IL36B: variants seen among roughly 807,000 people sequenced by gnomAD.
IL36B encodes the protein interleukin-36 beta.
A neutral mutation model predicts 19.3 loss-of-function variants in IL36B; 23 were observed. The ratio of observed to expected loss-of-function variants is 1.19; its 90% confidence interval spans 0.86 to 1.69. IL36B has a LOEUF of 1.69. IL36B is among the 40% of genes most tolerant of loss of function. IL36B has a pLI of 0.00. For synonymous variants in IL36B, 59 were observed against 59.7 expected (o/e 0.99, Z 0.05); for missense variants, 217 against 200.5 (o/e 1.08, Z -0.50).
intron 1 of IL36B, among the ~76,000 whole-genome samples, chr2:113,044,370 G>A (rs1000264006): frequency 2.0e-5 from 3 of 151,150 alleles, no homozygotes; most frequent in African/African-American, 4.9e-5. Flanking sequence ...TTAGTTCACT[G>A]TAGCTGTGAA....
intron 1 of IL36B, among the ~76,000 whole-genome samples, chr2:113,048,935 A>G (rs1225934822): frequency 1.3e-5 from 2 of 152,214 alleles, no homozygotes; most frequent in Non-Finnish European, 2.9e-5. Flanking sequence ...TATGAAAGCA[A>G]TTGAATTTAT....
At chr2:113,048,544 C>T (rs6756735) in intron 1 of IL36B, among the ~76,000 whole-genome samples, 9,862 of 151,992 alleles carry the variant, frequency 0.065, 853 homozygotes, top group East Asian at 0.23. Context: ...AGAAGAAAGA[C>T]GTCAAATTAA....
At chr2:113,033,263 C>T (rs527301348) in intron 1 of IL36B, among the ~76,000 whole-genome samples, 2 of 152,322 alleles carry the variant, frequency 1.3e-5, no homozygotes, top group African/African-American at 4.8e-5. Flanking sequence ...GTCTCGCTCT[C>T]GCTCTGTCGC....
chr2:113,051,158 C>A lies in IL36B; in HGVS notation c.-58+1659G>T, dbSNP rs542256006. ...GCACACTGAGAGCGGCAGGCCCCGC[C>A]GGAGGGGCCAGCGCAGGACCGGGGA... is the stretch of plus-strand genomic sequence containing the variant. On this transcript the variant is annotated intron_variant, in intron 1 of 5. Transcript: ENST00000259213. Among the ~76,000 whole-genome samples, 13 of 152,318 alleles carry A rather than the reference C, an allele frequency of 8.5e-5. No individual in the cohort carries two copies. The South Asian group carries it at 2.5e-3, about 29-fold the overall frequency.
In IL36B at chr2:113,022,456, T is replaced by A; in HGVS notation, c.*218A>T. 2.2e-6 allele frequency: 1 copy of A among 450,490 alleles called. No homozygotes were observed. The highest frequency in any genetic ancestry group is 4.0e-6 in the Non-Finnish European group (1 of 249,558). 27.9% of individuals were successfully genotyped at this position (450,490 alleles called of 1,614,324 possible). A position where few individuals can be genotyped will look rare whatever the true frequency, so the allele number is the denominator to read the frequency against. The stretch of plus-strand genomic sequence containing the variant: ...GGACTGGACAAAACACATTTACAGG[T>A]TATGTAGTCCAAATCTACTCCTAAA... On this transcript the variant is annotated 3_prime_UTR_variant, in exon 6 of 6. Coordinates refer to ENST00000259213, the MANE Select transcript of IL36B (RefSeq NM_014438.5).
At chr2:113,041,860 C>T (rs970260835) in intron 1 of IL36B, among the ~76,000 whole-genome samples, 1 of 152,190 alleles carries the variant, frequency 6.6e-6, no homozygotes, top group Non-Finnish European at 1.5e-5. Flanking sequence ...TCAAGAGATC[C>T]TCCTGCCTCA....
chr2:113,031,145 T>C lies in IL36B; in HGVS notation c.24A>G (p.Ala8=). The change falls in exon 3 of 6, where the codon GCA becomes GCG. Residue 8 remains alanine, a synonymous_variant. Transcript: ENST00000259213. ...AATCACGAATAGCATAGGATTTGGG[T>C]GCTGCCTCCCCTGCCAGATGACAAA... The C allele has an allele frequency of 6.2e-7, 1 of 1,613,752 alleles. No homozygotes were observed. Among genetic ancestry groups the C allele is most frequent in the Non-Finnish European group, 8.5e-7 (1 of 1,179,630 alleles).
Position 113,022,544 on chromosome 2 carries a change from T to A in IL36B, c.*130A>T. The A allele has an allele frequency of 1.6e-6, 1 of 618,732 alleles. No individual in the cohort carries two copies. Among genetic ancestry groups the A allele is most frequent in the Non-Finnish European group, 2.9e-6 (1 of 346,784 alleles). 38.3% of individuals were successfully genotyped at this position (618,732 alleles called of 1,614,324 possible). A position where few individuals can be genotyped will look rare whatever the true frequency, so the allele number is the denominator to read the frequency against. On this transcript the variant is annotated 3_prime_UTR_variant, in exon 6 of 6. Coordinates refer to ENST00000259213, the MANE Select transcript of IL36B (RefSeq NM_014438.5). The stretch of plus-strand genomic sequence containing the variant: ...ACCAACTCTTTAAAAATACATAGTG[T>A]CCTTGTTTTACAAACTCTCCAGAAC...
At chr2:113,041,288 GATAA>G (rs1320321984) in intron 1 of IL36B, among the ~76,000 whole-genome samples, 2 of 152,302 alleles carry the variant, frequency 1.3e-5, no homozygotes, top group East Asian at 3.9e-4. Context: ...CATGAGGAGT[GATAA>G]ATAAAACAAT....
chr2:113,035,497 C>T (rs779056180), intron 1 of IL36B, among the ~76,000 whole-genome samples: 17 of 151,066 alleles, frequency 1.1e-4, no homozygotes, highest in Non-Finnish European at 2.1e-4. Flanking sequence ...TTGAGAAGCT[C>T]TTCTGAAAAA....
intron 1 of IL36B, among the ~76,000 whole-genome samples, chr2:113,035,562 G>A (rs915975461): frequency 2.0e-5 from 3 of 151,828 alleles, no homozygotes; most frequent in Non-Finnish European, 4.4e-5. Flanking sequence ...TGTTGTTAGA[G>A]GACCTGATAT....
intron 1 of IL36B, among the ~76,000 whole-genome samples, chr2:113,041,496 A>G (rs1400266316): frequency 1.3e-5 from 2 of 152,222 alleles, no homozygotes; most frequent in Non-Finnish European, 2.9e-5. Context: ...TAGCGCTTTT[A>G]GAGAAAAAAG....
At chr2:113,043,696 G>A (rs978948239) in intron 1 of IL36B, among the ~76,000 whole-genome samples, 1 of 152,166 alleles carries the variant, frequency 6.6e-6, no homozygotes, top group African/African-American at 2.4e-5. Context: ...TGGGATTACA[G>A]GCATGCACCA....
intron 1 of IL36B, among the ~76,000 whole-genome samples, chr2:113,033,224 G>A (rs970628322): frequency 2.6e-5 from 4 of 152,060 alleles, no homozygotes; most frequent in African/African-American, 4.8e-5. Flanking sequence ...TAATCTTCAC[G>A]CTACATTTAC....
intron 1 of IL36B, among the ~76,000 whole-genome samples, chr2:113,034,290 G>A (rs564011274): frequency 1.3e-5 from 2 of 152,216 alleles, no homozygotes; most frequent in Admixed American, 1.3e-4. Context: ...TGAAGGAACA[G>A]CCTTCCCCAG....
chr2:113,024,436 C>A (rs562251831), intron 5 of IL36B, among the ~76,000 whole-genome samples: 1 of 152,296 alleles, frequency 6.6e-6, no homozygotes, highest in African/African-American at 2.4e-5. Flanking sequence ...TAGCCTACCT[C>A]CTTGCAAGGC....
intron 4 of IL36B, among the ~76,000 whole-genome samples, 174 bp from the exon 5 acceptor site, chr2:113,028,289 G>A (rs1012338575): frequency 2.6e-5 from 4 of 152,132 alleles, no homozygotes; most frequent in Non-Finnish European, 5.9e-5. Flanking sequence ...AACTCACTGG[G>A]TTCCCATAGC....
chr2:113,026,870 T>C (rs1260528106), intron 4 of IL36B, among the ~76,000 whole-genome samples: 2 of 152,144 alleles, frequency 1.3e-5, no homozygotes, highest in African/African-American at 4.8e-5. Context: ...TATGGATTGG[T>C]TTACATTCAC....
intron 1 of IL36B, among the ~76,000 whole-genome samples, chr2:113,042,488 C>T (rs1205265890): frequency 6.6e-6 from 1 of 152,188 alleles, no homozygotes; most frequent in Non-Finnish European, 1.5e-5. Flanking sequence ...CCTTCCCTCC[C>T]ATCCCCCGTC....
Sources: gnomAD v4.1 joint callset for allele counts (sites outside exome capture counted in the v4.1 genomes callset) on GRCh38, gnomAD v4.1.1 for gene constraint, MANE v1.5 for transcripts, NCBI Gene and HGNC (gene_info 2026-07-23, HGNC 2026-07-21) for gene names.